The following SMYD2 variants were observed in gnomAD, a reference collection of about 807,000 sequenced individuals.
The protein encoded by SMYD2 is SET and MYND domain containing 2.
In SMYD2, 53 loss-of-function variants were observed where a neutral mutation model predicts 59.1. The ratio of observed to expected loss-of-function variants is 0.90; its 90% CI spans 0.72 to 1.13. The LOEUF (loss-of-function observed/expected upper bound fraction) is 1.13. Among genes scored for constraint, SMYD2 ranks in the 50% most tolerant of loss-of-function variants. SMYD2 has a pLI of 0.00. For synonymous variants in SMYD2, 208 were observed against 198.8 expected, an observed-to-expected ratio of 1.05 and a Z score of -0.39; for missense variants, 494 against 544.7, an observed-to-expected ratio of 0.91 and a Z score of 0.93.
chr1:214,334,009 A>G (rs554420475), intron 10 of SMYD2, 191 bp from the exon 11 acceptor site: 17 of 494,566 alleles, frequency 3.4e-5, no homozygotes, highest in Middle Eastern at 1.1e-3. Flanking sequence ...CAAATAATGA[A>G]CAACATCTGC....
intron 2 of SMYD2, among the ~76,000 whole-genome samples, chr1:214,306,670 G>A (rs1215274538): frequency 6.6e-6 from 1 of 152,186 alleles, no homozygotes; most frequent in Non-Finnish European, 1.5e-5. Flanking sequence ...CAGCCCCTGC[G>A]ACATATATGG....
At position 214,281,384 on chromosome 1, in the gene SMYD2, ACGGTCAACGAG is replaced by A. The variant is rs1656439774; in HGVS notation, c.134_144del (p.Val45GlyfsTer87). On this transcript the variant is annotated frameshift_variant, in exon 1 of 12. Coordinates refer to ENST00000366957, the MANE Select transcript of SMYD2 (RefSeq NM_020197.3). LOFTEE classifies it high-confidence loss of function. ...CTGCCCGGCCTATGCCTACGTGCTC[ACGGTCAACGAG>A]CGGGGCAACCACTGCGAGTACTGCT... 4.1e-6 allele frequency: 6 copies of A among 1,465,664 alleles called. No homozygotes were observed. Among genetic ancestry groups the A allele is most frequent in the African/African-American group, 1.5e-5 (1 of 68,450 alleles). The allele number at this position is 1,465,664 out of a possible 1,614,324, so 90.8% of individuals were successfully genotyped here.
chr1:214,309,245 G>A, intron 2 of SMYD2, among the ~76,000 whole-genome samples: 1 of 152,180 alleles, frequency 6.6e-6, no homozygotes, highest in East Asian at 1.9e-4. Flanking sequence ...GGTAATGGGA[G>A]GAAATACAAA....
At chr1:214,317,124 G>A (rs1657098665) in intron 3 of SMYD2, among the ~76,000 whole-genome samples, 1 of 152,168 alleles carries the variant, frequency 6.6e-6, no homozygotes, top group African/African-American at 2.4e-5. Flanking sequence ...AATGCATCCC[G>A]TGAATGGAAG....
At chr1:214,316,735 C>T (rs997534318) in intron 3 of SMYD2, among the ~76,000 whole-genome samples, 3 of 152,158 alleles carry the variant, frequency 2.0e-5, no homozygotes, top group Non-Finnish European at 4.4e-5. Flanking sequence ...CGAAATGCTA[C>T]CTCGCCAGCC....
intron 1 of SMYD2, among the ~76,000 whole-genome samples, chr1:214,281,926 GTAAAGTACGCTTACATGT>G (rs1299644645): frequency 1.3e-5 from 2 of 152,212 alleles, no homozygotes; most frequent in Non-Finnish European, 1.5e-5. Context: ...TATATGTCTT[GTAAAGTACGCTTACATGT>G]TAAAGTACGC....
At chr1:214,314,667 G>A (rs1429735794) in intron 2 of SMYD2, 95 bp from the exon 3 acceptor site, 1 of 827,736 alleles carries the variant, frequency 1.2e-6, no homozygotes, top group East Asian at 2.5e-5. Flanking sequence ...TATTTTACTT[G>A]ACCTTAACTA....
intron 1 of SMYD2, among the ~76,000 whole-genome samples, chr1:214,303,920 C>T (rs1014258780): frequency 6.6e-6 from 1 of 152,212 alleles, no homozygotes; most frequent in Non-Finnish European, 1.5e-5. Context: ...CTGGCTTCAC[C>T]GGGGTGGGCA....
At chr1:214,296,195 A>G (rs953399710) in intron 1 of SMYD2, among the ~76,000 whole-genome samples, 1 of 152,276 alleles carries the variant, frequency 6.6e-6, no homozygotes, top group South Asian at 2.1e-4. Flanking sequence ...GCGGCAACGC[A>G]TTAACTAGCA....
intron 1 of SMYD2, among the ~76,000 whole-genome samples, chr1:214,282,947 A>G (rs1408844921): frequency 6.6e-6 from 1 of 152,248 alleles, no homozygotes; most frequent in African/African-American, 2.4e-5. Context: ...CTGCAGTGGC[A>G]GGAGCAAAGC....
chr1:214,329,129 T>C (rs949064048), intron 7 of SMYD2, among the ~76,000 whole-genome samples: 3 of 152,228 alleles, frequency 2.0e-5, no homozygotes, highest in African/African-American at 7.2e-5. Context: ...CCTTATGTTC[T>C]CCCAGATCTG....
chr1:214,289,244 G>A (rs1363643014), intron 1 of SMYD2, among the ~76,000 whole-genome samples: 1 of 152,210 alleles, frequency 6.6e-6, no homozygotes, highest in Non-Finnish European at 1.5e-5. Context: ...TTGATATAGT[G>A]AGAGAATTGC....
At chr1:214,294,837 T>G (rs1656696804) in intron 1 of SMYD2, among the ~76,000 whole-genome samples, 1 of 152,234 alleles carries the variant, frequency 6.6e-6, no homozygotes, top group South Asian at 2.1e-4. Flanking sequence ...TATTTCTGTT[T>G]TACGGACAGA....
chr1:214,314,240 T>G (rs537901019), intron 2 of SMYD2, among the ~76,000 whole-genome samples: 2 of 152,280 alleles, frequency 1.3e-5, no homozygotes, highest in South Asian at 4.1e-4. Context: ...AAGTCCTAAC[T>G]ATTCCTAAAT....
At chr1:214,304,480 G>A (rs1488817062) in intron 1 of SMYD2, among the ~76,000 whole-genome samples, 5 of 146,472 alleles carry the variant, frequency 3.4e-5, no homozygotes, top group South Asian at 2.1e-4. Context: ...AACGGCCTAC[G>A]CCCGGGAAGT....
intron 9 of SMYD2, 32 bp from the exon 10 acceptor site, chr1:214,331,986 G>T (rs1450441108): frequency 6.3e-7 from 1 of 1,597,420 alleles, no homozygotes; most frequent in East Asian, 2.2e-5. Flanking sequence ...GGCAGCTTGG[G>T]CCCGGTGGCC....
At chr1:214,284,153 G>A (rs1253392330) in intron 1 of SMYD2, among the ~76,000 whole-genome samples, 2 of 151,426 alleles carry the variant, frequency 1.3e-5, no homozygotes, top group Non-Finnish European at 2.9e-5. Flanking sequence ...TTTCCACTTG[G>A]AAGCTGTCCC....
At chr1:214,331,952 G>A in intron 9 of SMYD2, 66 bp from the exon 10 acceptor site, 1 of 1,510,830 alleles carries the variant, frequency 6.6e-7, no homozygotes, top group Non-Finnish European at 8.9e-7. Flanking sequence ...ATAACTCCTT[G>A]AACCCAGCCT....
Position 214,318,779 on chromosome 1 carries a change from G to C in SMYD2, c.410-80G>C. 6.8e-7 allele frequency: 1 copy of C among 1,465,206 alleles called. No homozygotes were observed. 90.8% of individuals were successfully genotyped at this position (1,465,206 alleles called of 1,614,324 possible). ...TTTTTTTCGCCCGTTCCTTTCCTCT[G>C]TATCATTTACAGCAAAAATAGGATG... On this transcript the variant is annotated intron_variant, in intron 4 of 11. Transcript: ENST00000366957. The surrounding 1 kb of genome is among the most constrained non-coding windows in gnomAD (Gnocchi z 5.4).
Sources: gnomAD v4.1 joint callset for allele counts (sites outside exome capture counted in the v4.1 genomes callset) on GRCh38, gnomAD v4.1.1 for gene constraint, Gnocchi (gnomAD v3.1) non-coding constraint, MANE v1.5 for transcripts, NCBI Gene and HGNC (gene_info 2026-07-23, HGNC 2026-07-21) for gene names.